Variants in ZNRF1 observed in about 807,000 individuals in gnomAD.
ZNRF1 encodes the protein zinc and ring finger 1.
ZNRF1 carries 3 observed loss-of-function variants against 18.4 expected under a neutral mutation model. The ratio of observed to expected loss-of-function variants is 0.16; its 90% CI spans 0.07 to 0.42. The LOEUF is 0.42. ZNRF1 is among the 10% of genes least tolerant of loss of function. ZNRF1 has a pLI of 0.99. For synonymous variants in ZNRF1, 157 were observed against 144.2 expected (o/e 1.09, Z -0.64); for missense variants, 310 against 329.8 (o/e 0.94, Z 0.47).
At chr16:75,052,782 C>G (rs929386362) in intron 1 of ZNRF1, among the ~76,000 whole-genome samples, 4 of 152,246 alleles carry the variant, frequency 2.6e-5, no homozygotes, top group Admixed American at 6.5e-5. Flanking sequence ...ACTGTCTATA[C>G]AGCCTTCCCT....
At chr16:75,021,022 A>G (rs780190650) in intron 1 of ZNRF1, among the ~76,000 whole-genome samples, 3 of 152,122 alleles carry the variant, frequency 2.0e-5, no homozygotes, top group Non-Finnish European at 2.9e-5. Flanking sequence ...GATCGGTATT[A>G]CAATTCTACC....
At chr16:75,085,388 T>A (rs2036060879) in intron 1 of ZNRF1, among the ~76,000 whole-genome samples, 1 of 152,254 alleles carries the variant, frequency 6.6e-6, no homozygotes, top group South Asian at 2.1e-4. Flanking sequence ...GAGTAGTGTT[T>A]CATTTTATTC....
rs556638825 is a variant in ZNRF1, at chr16:75,099,311, T to C, written c.521-5473T>C. On this transcript the variant is annotated intron_variant, in intron 2 of 4. Transcript: ENST00000335325. ...GCTCTTTTGCTCCTCCTCCCAGATA[T>C]CTTTGCTTTGACAAATAGCAGCTGT... Among the ~76,000 whole-genome samples the C allele has an allele frequency of 1.8e-3, 268 of 152,292 alleles. 1 individual carries two copies. The highest frequency in any genetic ancestry group is 6.2e-3 in the African/African-American group (256 of 41,554).
intron 1 of ZNRF1, among the ~76,000 whole-genome samples, chr16:75,020,336 C>G (rs1319105504): frequency 6.6e-6 from 1 of 151,646 alleles, no homozygotes; most frequent in African/African-American, 2.4e-5. Flanking sequence ...GGATTTTTTT[C>G]CAGCCTATTT....
intron 1 of ZNRF1, among the ~76,000 whole-genome samples, chr16:75,046,320 C>T (rs2095487770): frequency 6.6e-6 from 1 of 152,084 alleles, no homozygotes; most frequent in African/African-American, 2.4e-5. Context: ...GGCACGATCT[C>T]AGCTCACTGT....
chr16:75,018,044 A>T (rs955814864), intron 1 of ZNRF1, among the ~76,000 whole-genome samples: 6 of 152,246 alleles, frequency 3.9e-5, no homozygotes, highest in African/African-American at 1.4e-4. Context: ...GAAGCTAACA[A>T]TAATAACAGT....
At chr16:75,060,730 G>A (rs955886880) in intron 1 of ZNRF1, among the ~76,000 whole-genome samples, 1 of 150,406 alleles carries the variant, frequency 6.6e-6, no homozygotes, top group Non-Finnish European at 1.5e-5. Context: ...CACTTGCCTC[G>A]GCCTCCCAAA....
At chr16:75,084,633 G>T (rs1240113071) in intron 1 of ZNRF1, 3 of 152,226 alleles carry the variant, frequency 2.0e-5, no homozygotes, top group African/African-American at 7.2e-5. Context: ...CAGAATGAAA[G>T]AAAGGTATTT....
chr16:75,086,841 T>C (rs1473120556), intron 1 of ZNRF1, among the ~76,000 whole-genome samples: 1 of 152,112 alleles, frequency 6.6e-6, no homozygotes, highest in East Asian at 1.9e-4. Context: ...CTGTGTGGCG[T>C]GGCTTTCTTT....
intron 1 of ZNRF1, among the ~76,000 whole-genome samples, chr16:75,030,804 C>G (rs1347171328): frequency 1.3e-5 from 2 of 148,186 alleles, no homozygotes; most frequent in African/African-American, 4.9e-5. Flanking sequence ...TCAAGGTTCA[C>G]TCACATTGTA....
intron 1 of ZNRF1, among the ~76,000 whole-genome samples, chr16:75,063,501 G>T (rs567344239): frequency 1.3e-5 from 2 of 152,218 alleles, no homozygotes; most frequent in African/African-American, 4.8e-5. Flanking sequence ...GCCGTGGATA[G>T]GTGTGCATGG....
At chr16:75,038,523 T>C (rs1006531340) in intron 1 of ZNRF1, among the ~76,000 whole-genome samples, 3 of 152,200 alleles carry the variant, frequency 2.0e-5, no homozygotes, top group Non-Finnish European at 4.4e-5. Context: ...AAGAATTTGG[T>C]TTGGCATTGT....
intron 1 of ZNRF1, among the ~76,000 whole-genome samples, chr16:75,070,581 A>G (rs1286886628): frequency 2.6e-5 from 4 of 152,210 alleles, no homozygotes; most frequent in Non-Finnish European, 5.9e-5. Context: ...GAGTGCTTAT[A>G]TTACATCATA....
chr16:75,043,994 G>T (rs1404798863), intron 1 of ZNRF1, among the ~76,000 whole-genome samples: 1 of 151,898 alleles, frequency 6.6e-6, no homozygotes, highest in Non-Finnish European at 1.5e-5. Context: ...TGTGTTTGTA[G>T]TAGAGACGTG....
At chr16:75,052,264 G>A (rs1187873600) in intron 1 of ZNRF1, among the ~76,000 whole-genome samples, 1 of 152,042 alleles carries the variant, frequency 6.6e-6, no homozygotes, top group Non-Finnish European at 1.5e-5. Context: ...ACCTGGGTGT[G>A]GTGGCGTGCA....
chr16:75,022,669 C>G (rs939956116), intron 1 of ZNRF1, among the ~76,000 whole-genome samples: 1 of 152,210 alleles, frequency 6.6e-6, no homozygotes, highest in Non-Finnish European at 1.5e-5. Flanking sequence ...CTGAGTTACT[C>G]TAGCCACATT....
intron 1 of ZNRF1, among the ~76,000 whole-genome samples, chr16:75,004,869 A>G (rs546492467): frequency 4.6e-5 from 7 of 151,992 alleles, no homozygotes; most frequent in Middle Eastern, 3.4e-3. Flanking sequence ...TCCCACCTCA[A>G]CCTCCCAAGG....
intron 1 of ZNRF1, among the ~76,000 whole-genome samples, chr16:75,006,611 T>C (rs2034921102): frequency 6.6e-6 from 1 of 152,080 alleles, no homozygotes; most frequent in Non-Finnish European, 1.5e-5. Flanking sequence ...AGTTTTTGTA[T>C]TTTTAGTAGA....
chr16:75,032,299 G>T (rs1478860499), intron 1 of ZNRF1, among the ~76,000 whole-genome samples: 2 of 119,910 alleles, frequency 1.7e-5, no homozygotes, highest in Non-Finnish European at 4.2e-5. Flanking sequence ...TGTAGAGATG[G>T]GGTTTCACCA....
Sources: allele counts gnomAD v4.1 joint callset (sites outside exome capture counted in the v4.1 genomes callset), GRCh38; gene constraint gnomAD v4.1.1; transcripts MANE v1.5; gene names NCBI Gene and HGNC (gene_info 2026-07-23, HGNC 2026-07-21).